Variants in APLF observed in about 807,000 individuals in gnomAD.
The protein encoded by APLF is aprataxin and PNKP like factor, also known as aprataxin and PNK-like factor.
APLF carries 61 observed loss-of-function variants against 55.6 expected under a neutral mutation model. The observed-to-expected ratio is 1.10, with a 90% confidence interval of 0.89 to 1.36. The LOEUF (loss-of-function observed/expected upper bound fraction) is 1.36, where lower values mean the gene tolerates loss of function less well. Ranked by LOEUF, APLF falls within the 40% of genes most tolerant of loss-of-function variation. APLF has a pLI of 0.00. For synonymous variants in APLF, 207 were observed against 214.8 expected (o/e 0.96, Z 0.32); for missense variants, 611 against 602.5 (o/e 1.01, Z -0.15).
intron 7 of APLF, among the ~76,000 whole-genome samples, chr2:68,543,662 T>C (rs778849494): frequency 3.9e-5 from 6 of 152,326 alleles, no homozygotes; most frequent in Middle Eastern, 3.4e-3. Flanking sequence ...GTATTACTTA[T>C]AGAAGTCAAT....
At chr2:68,475,433 A>C (rs763587267) in intron 1 of APLF, among the ~76,000 whole-genome samples, 3 of 152,234 alleles carry the variant, frequency 2.0e-5, no homozygotes, top group Non-Finnish European at 4.4e-5. Flanking sequence ...CATATTAATC[A>C]GTATTGTGAA....
At chr2:68,521,468 C>G (rs530498335) in intron 5 of APLF, among the ~76,000 whole-genome samples, 4 of 151,858 alleles carry the variant, frequency 2.6e-5, no homozygotes, top group African/African-American at 9.6e-5. Flanking sequence ...GGTACTAGTT[C>G]TTGGATGTTG....
In APLF at chr2:68,502,734, C is replaced by T. The variant is rs1676760915; in HGVS notation, c.172C>T (p.His58Tyr). Residue 58 changes from histidine to tyrosine, a missense_variant, in exon 3 of 10, where the codon CAC becomes TAC. Coordinates refer to ENST00000303795, the MANE Select transcript of APLF (RefSeq NM_173545.3). ...AGGQLRIKPI[H>Y]TNPCFYQSSE... ...ATATTCTTTTTTAATTTGTTAGATA[C>T]ACACAAATCCATGTTTTTACCAGTC... is the stretch of plus-strand genomic sequence containing the variant. 1.3e-6 allele frequency: 2 copies of T among 1,491,664 alleles called. No individual in the cohort carries two copies. The highest frequency in any genetic ancestry group is 1.5e-5 in the South Asian group (1 of 68,166). The allele number at this position is 1,491,664 out of a possible 1,614,324, so 92.4% of individuals were successfully genotyped here.
intron 8 of APLF, among the ~76,000 whole-genome samples, chr2:68,555,786 CAG>C (rs1274379379): frequency 6.6e-6 from 1 of 152,186 alleles, no homozygotes; most frequent in African/African-American, 2.4e-5. Context: ...CTATGGAAAA[CAG>C]TGTGGAGATT....
chr2:68,517,412 T>C (rs1329697833), intron 5 of APLF, among the ~76,000 whole-genome samples: 1 of 132,710 alleles, frequency 7.5e-6, no homozygotes. Context: ...AATATATCTA[T>C]ATATTACTAT....
chr2:68,517,381 TA>T (rs1654047141), intron 5 of APLF, among the ~76,000 whole-genome samples: 1 of 129,076 alleles, frequency 7.7e-6, no homozygotes, highest in South Asian at 2.3e-4. Flanking sequence ...CATATAGTAA[TA>T]TATGTTATTA....
chr2:68,570,302 T>A (rs1021300959), intron 9 of APLF, among the ~76,000 whole-genome samples: 2 of 151,230 alleles, frequency 1.3e-5, no homozygotes, highest in Non-Finnish European at 1.5e-5. Flanking sequence ...ATATATATAT[T>A]TTTATTATGC....
chr2:68,568,541 G>A (rs373075276), intron 9 of APLF, among the ~76,000 whole-genome samples: 8 of 152,124 alleles, frequency 5.3e-5, no homozygotes, highest in African/African-American at 1.9e-4. Flanking sequence ...TGGCAGTTAT[G>A]GTAGTTTAAT....
At chr2:68,571,789 C>G (rs1231778973) in intron 9 of APLF, among the ~76,000 whole-genome samples, 1 of 151,994 alleles carries the variant, frequency 6.6e-6, no homozygotes, top group Non-Finnish European at 1.5e-5. Context: ...CTTTTTTGTT[C>G]CATATGAACT....
At chr2:68,513,056 AC>A (rs1441283632) in intron 3 of APLF, 23 bp from the exon 4 acceptor site, 1 of 1,574,506 alleles carries the variant, frequency 6.4e-7, no homozygotes. Flanking sequence ...AAAATTAAAG[AC>A]CAGTTTCTAT....
chr2:68,509,970 A>C (rs1676994723), intron 3 of APLF, among the ~76,000 whole-genome samples: 1 of 151,434 alleles, frequency 6.6e-6, no homozygotes, highest in Admixed American at 6.6e-5. Flanking sequence ...TCGCAAGGAC[A>C]AAAAACCAAA....
chr2:68,502,932 ATGT>A, intron 3 of APLF, 29 bp downstream of exon 3: 1 of 1,576,800 alleles, frequency 6.3e-7, no homozygotes, highest in Non-Finnish European at 8.6e-7. Flanking sequence ...GAGAGTAAGA[ATGT>A]TATTTTTAAT....
chr2:68,516,993 A>G (rs1256208221), intron 5 of APLF, among the ~76,000 whole-genome samples: 6 of 125,168 alleles, frequency 4.8e-5, no homozygotes, highest in Non-Finnish European at 9.5e-5. Flanking sequence ...TATATATAAT[A>G]ATATATGTTA....
intron 1 of APLF, among the ~76,000 whole-genome samples, chr2:68,468,449 C>T (rs924350108): frequency 3.3e-5 from 5 of 151,926 alleles, no homozygotes; most frequent in African/African-American, 9.7e-5. Context: ...TTACCTATAC[C>T]AACATCTTTA....
chr2:68,518,789 A>G (rs867590692), intron 5 of APLF, among the ~76,000 whole-genome samples: 12 of 43,226 alleles, frequency 2.8e-4, no homozygotes, highest in Middle Eastern at 0.048. Context: ...TATATAATAA[A>G]ATATTAATAA....
intron 9 of APLF, 141 bp from the exon 10 acceptor site, chr2:68,577,679 C>T (rs939504511): frequency 9.1e-5 from 88 of 966,570 alleles, no homozygotes; most frequent in Non-Finnish European, 1.2e-4. Flanking sequence ...ATTTTAGTGC[C>T]GTTTCCAGAA....
chr2:68,579,919 A>T lies in APLF; in HGVS notation c.*1897A>T, dbSNP rs1671725747. 2 of 598,816 alleles carry T rather than the reference A, an allele frequency of 3.3e-6. No individual in the cohort carries two copies. Among genetic ancestry groups the T allele is most frequent in the Admixed American group, 1.3e-4 (2 of 15,768 alleles). 37.1% of individuals were successfully genotyped at this position (598,816 alleles called of 1,614,324 possible). A position where few individuals can be genotyped will look rare whatever the true frequency, so the allele number is the denominator to read the frequency against. On this transcript the variant is annotated 3_prime_UTR_variant, in exon 10 of 10. Coordinates refer to ENST00000303795, the MANE Select transcript of APLF (RefSeq NM_173545.3). ...ACAAACAATGCATTGTACACTTTCAAAGGGTAGATTTCATTGCACGTGAAC... is the reference window on the plus strand; with the variant it reads ...ACAAACAATGCATTGTACACTTTCATAGGGTAGATTTCATTGCACGTGAAC...
intron 8 of APLF, among the ~76,000 whole-genome samples, chr2:68,550,878 G>T (rs1339607047): frequency 6.6e-6 from 1 of 152,020 alleles, no homozygotes; most frequent in Non-Finnish European, 1.5e-5. Flanking sequence ...ACAAGACATT[G>T]TAATTATTGT....
At chr2:68,537,188 T>C (rs1367689694) in intron 6 of APLF, among the ~76,000 whole-genome samples, 2 of 151,370 alleles carry the variant, frequency 1.3e-5, no homozygotes, top group South Asian at 4.2e-4. Context: ...AGAGAAATTA[T>C]AAGGACCGTG....
Sources: allele counts gnomAD v4.1 joint callset (sites outside exome capture counted in the v4.1 genomes callset), GRCh38; gene constraint gnomAD v4.1.1; transcripts MANE v1.5; gene names NCBI Gene and HGNC (gene_info 2026-07-23, HGNC 2026-07-21).